Variants in FAN1 observed in about 807,000 individuals in gnomAD.
The protein encoded by FAN1 is FANCD2 and FANCI associated nuclease 1.
Under a neutral mutation model 104.9 loss-of-function variants are expected in FAN1, and 91 were observed. The observed-to-expected ratio is 0.87, with a 90% CI of 0.73 to 1.03. The LOEUF (loss-of-function observed/expected upper bound fraction) is 1.03, where lower values mean the gene tolerates loss of function less well. Among genes scored for constraint, FAN1 ranks in the 50% least tolerant of loss-of-function variants. FAN1 has a pLI of 0.00. For synonymous variants in FAN1, 478 were observed against 457.6 expected (o/e 1.04, Z -0.57); for missense variants, 1,263 against 1,239.9 (o/e 1.02, Z -0.28).
chr15:30,920,520 C>G, intron 6 of FAN1, 25 bp from the exon 7 acceptor site: 1 of 1,407,602 alleles, frequency 7.1e-7, no homozygotes, highest in Non-Finnish European at 1.0e-6. Flanking sequence ...AATTATTAAA[C>G]TACTGGTATA....
intron 4 of FAN1, chr15:30,911,397 G>A (rs919751458): frequency 1.2e-5 from 12 of 984,760 alleles, no homozygotes; most frequent in African/African-American, 5.2e-5. Context: ...TGAAATGAGA[G>A]GATGCTTTTG....
Position 30,922,284 on chromosome 15 carries a change from C to T in FAN1, c.2102C>T (p.Pro701Leu). The stretch of plus-strand genomic sequence containing the variant: ...CTTTTGTCTCAGAGAATTTATTGTC[C>T]TGACAGCAGAGGCCGATGGTGGGAT... ...ESLLSQRIYCPDSRGRWWDRL... is the reference protein window; with the variant it reads ...ESLLSQRIYCLDSRGRWWDRL... Residue 701 changes from proline (P) to leucine (L), a missense_variant, in exon 8 of 15, where the codon CCT becomes CTT. By Grantham distance (98) the Pro-to-Leu change is moderately conservative. Coordinates refer to ENST00000362065, the MANE Select transcript of FAN1 (RefSeq NM_014967.5). 2 of 1,613,976 alleles carry T rather than the reference C, an allele frequency of 1.2e-6. No homozygotes were observed. Among genetic ancestry groups the T allele is most frequent in the Non-Finnish European group, 1.7e-6 (2 of 1,179,988 alleles).
chr15:30,934,947 T>C (rs1487871376), intron 13 of FAN1, among the ~76,000 whole-genome samples: 1 of 152,238 alleles, frequency 6.6e-6, no homozygotes, highest in Non-Finnish European at 1.5e-5. Flanking sequence ...AGTCTGTATT[T>C]ACTCATGTAC....
chr15:30,910,372 T>G (rs1429314110), intron 3 of FAN1, among the ~76,000 whole-genome samples: 1 of 152,226 alleles, frequency 6.6e-6, no homozygotes, highest in African/African-American at 2.4e-5. Flanking sequence ...TGTCTTTATT[T>G]TAGTTATGTT....
At chr15:30,927,539 T>G (rs2959036) in intron 10 of FAN1, 597,861 of 985,352 alleles carry the variant, frequency 0.61, 182,912 homozygotes, top group East Asian at 0.98. Flanking sequence ...GGCTGTGGCT[T>G]CCTGCCCTCT....
At chr15:30,941,349 A>G in intron 14 of FAN1, 2 of 1,535,832 alleles carry the variant, frequency 1.3e-6, no homozygotes, top group Non-Finnish European at 8.7e-7. Context: ...ATATTAGTGC[A>G]AATTCCAACT....
rs2061963758 is a variant in FAN1, at chr15:30,905,768, A to G, written c.1105A>G (p.Thr369Ala). The G allele has an allele frequency of 6.2e-7, 1 of 1,614,108 alleles. No individual in the cohort carries two copies. The highest frequency in any genetic ancestry group is 1.1e-5 in the South Asian group (1 of 91,086). Residue 369 changes from threonine to alanine, a missense_variant, in exon 2 of 15, where the codon ACA becomes GCA. By Grantham distance (58) the Thr-to-Ala change is moderately conservative (BLOSUM62 0). This residue lies in a region of FAN1 where 682 missense variants were observed against 571.1 expected (regional missense o/e 1.19). Coordinates refer to ENST00000362065, the MANE Select transcript of FAN1 (RefSeq NM_014967.5). ...QGSSCNGPGQTTGHPYYLRSF... is the reference protein window; with the variant it reads ...QGSSCNGPGQATGHPYYLRSF... ...GTCAAGCTGCAATGGTCCTGGTCAA[A>G]CAACCGGTCATCCTTACTACCTTCG...
chr15:30,941,958 G>C lies in FAN1; in HGVS notation c.*396G>C. ...TTCTGGCTGTCGGTTTGCTGAGCTG[G>C]ATCTGGCTTTGGTTTTAATATCAAT... On this transcript the variant is annotated 3_prime_UTR_variant, in exon 15 of 15. Transcript: ENST00000362065. The C allele has an allele frequency of 6.2e-7, 1 of 1,614,014 alleles. No individual in the cohort carries two copies. Among genetic ancestry groups the C allele is most frequent in the Non-Finnish European group, 8.5e-7 (1 of 1,179,892 alleles).
chr15:30,925,213 G>C lies in FAN1; in HGVS notation c.2259G>C (p.Leu753=). ...RLSLYQRAVR[L]RESPSCKKFK... ...CACTGTATCAGCGAGCCGTGCGCCT[G>C]CGAGAGTCTCCGAGCTGTAAAAAGT... Residue 753 remains leucine (L), a synonymous_variant, in exon 9 of 15, where the codon CTG becomes CTC. Transcript: ENST00000362065. 2 of 1,614,084 alleles carry C rather than the reference G, an allele frequency of 1.2e-6. No individual in the cohort carries two copies. Among genetic ancestry groups the C allele is most frequent in the Non-Finnish European group, 1.7e-6 (2 of 1,180,034 alleles).
At chr15:30,919,413 G>T (rs1350483174) in intron 6 of FAN1, among the ~76,000 whole-genome samples, 1 of 149,322 alleles carries the variant, frequency 6.7e-6, no homozygotes, top group Non-Finnish European at 1.5e-5. Context: ...ATAAGGGGCT[G>T]GGCGTGGTGG....
chr15:30,910,822 T>C lies in FAN1; in HGVS notation c.1577+7T>C. On this transcript the variant is annotated splice_region_variant and intron_variant, in intron 4 of 14. Transcript: ENST00000362065. The stretch of plus-strand genomic sequence containing the variant: ...GTGCAGTGATTTTAAAAAGGTTTTG[T>C]TGGCTATTGTTACAGTAAAAACATT... 2.5e-6 allele frequency: 4 copies of C among 1,612,640 alleles called. No homozygotes were observed. Among genetic ancestry groups the C allele is most frequent in the East Asian group, 2.2e-5 (1 of 44,852 alleles).
intron 14 of FAN1, chr15:30,940,661 C>A: frequency 1.0e-6 from 1 of 986,622 alleles, no homozygotes; most frequent in African/African-American, 1.7e-5. Context: ...CCCCAGAGGC[C>A]ACTCCCCAGT....
chr15:30,941,210 A>G, intron 14 of FAN1: 1 of 1,378,064 alleles, frequency 7.3e-7, no homozygotes, highest in Non-Finnish European at 9.5e-7. Flanking sequence ...ACAAAAATGT[A>G]GCAGACAACA....
rs929257914 is a variant in FAN1, at chr15:30,940,577, G to GTTTGT, written c.*4-985_*4-981dup. 1.1e-4 allele frequency: 108 copies of GTTTGT among 985,444 alleles called. No homozygotes were observed. In the African/African-American group the frequency reaches 1.8e-3, roughly 16 times the overall value. 61.0% of individuals were successfully genotyped at this position (985,444 alleles called of 1,614,324 possible). A position where few individuals can be genotyped will look rare whatever the true frequency, so the allele number is the denominator to read the frequency against. On this transcript the variant is annotated intron_variant, in intron 14 of 14. Transcript: ENST00000362065. ...CCCAGCACGCCTCCCAGCAAGCCTTGTTTGTTTTTGAGGGCGAGTTTTGGC... is the reference window on the plus strand; with the variant it reads ...CCCAGCACGCCTCCCAGCAAGCCTTGTTTGTTTTGTTTTTGAGGGCGAGTTTTGGC...
At chr15:30,906,276 T>G (rs2061976741) in intron 2 of FAN1, 1 of 455,690 alleles carries the variant, frequency 2.2e-6, no homozygotes, top group East Asian at 6.6e-5. Context: ...TAGGTTGTTT[T>G]GTTGTTCCTC....
chr15:30,940,358 G>A lies in FAN1; in HGVS notation c.*4-1208G>A, dbSNP rs368833216. ...ACTTTGCTGTCCAAAGTTGGGGGCT[G>A]GGGGAGCACTTCTGTCGCTATTCAA... On this transcript the variant is annotated intron_variant, in intron 14 of 14. Coordinates refer to ENST00000362065, the MANE Select transcript of FAN1 (RefSeq NM_014967.5). 5 of 985,420 alleles carry A rather than the reference G, an allele frequency of 5.1e-6. No individual in the cohort carries two copies. In the African/African-American group the frequency reaches 8.7e-5, roughly 17 times the overall value. The allele number at this position is 985,420 out of a possible 1,614,324, so 61.0% of individuals were successfully genotyped here. A position where few individuals can be genotyped will look rare whatever the true frequency, so the allele number is the denominator to read the frequency against.
Position 30,914,052 on chromosome 15 carries a change from G to A in FAN1, c.1772G>A (p.Arg591Gln), listed in dbSNP as rs768146914. The stretch of plus-strand genomic sequence containing the variant: ...GAGTTTCCTAGTTACACCATCAATC[G>A]GAAAACCCACATCTTCCAAGACAGA... ...RMEFPSYTIN[R>Q]KTHIFQDRDD... Residue 591 changes from arginine to glutamine, a missense_variant, in exon 5 of 15, where the codon CGG becomes CAG. Around this residue, in one of 2 missense-constraint regions of FAN1, gnomAD observed 581 missense variants for 668.8 expected, o/e 0.87. Transcript: ENST00000362065. The A allele has an allele frequency of 2.2e-5, 35 of 1,613,952 alleles. No individual in the cohort carries two copies. Among genetic ancestry groups the A allele is most frequent in the Admixed American group, 3.3e-5 (2 of 59,994 alleles).
chr15:30,905,208 A>G lies in FAN1; in HGVS notation c.545A>G (p.Gln182Arg), dbSNP rs754291086. 1.2e-6 allele frequency: 2 copies of G among 1,613,872 alleles called. No individual in the cohort carries two copies. Among genetic ancestry groups the G allele is most frequent in the Non-Finnish European group, 1.7e-6 (2 of 1,179,956 alleles). ...GAAGAATTTGCCGGTTCTAGTCCAC[A>G]GAGTTCCAAATCCACAGTTGTTAAG... Reference protein sequence around the residue: ...KDEEFAGSSPQSSKSTVVKSL... With the variant: ...KDEEFAGSSPRSSKSTVVKSL... The change falls in exon 2 of 15, where the codon CAG becomes CGG. Residue 182 changes from glutamine to arginine, a missense_variant. Physicochemically the swap from Gln to Arg is conservative, Grantham distance 43. This residue lies in a region of FAN1 where 682 missense variants were observed against 571.1 expected (regional missense o/e 1.19). Transcript: ENST00000362065.
chr15:30,918,611 A>T (rs1481656371), intron 6 of FAN1, among the ~76,000 whole-genome samples: 1 of 152,150 alleles, frequency 6.6e-6, no homozygotes, highest in East Asian at 1.9e-4. Context: ...CTGAAACGTG[A>T]GGGAAGCCAG....
Sources: allele counts gnomAD v4.1 joint callset (sites outside exome capture counted in the v4.1 genomes callset), GRCh38; gene constraint gnomAD v4.1.1; regional missense constraint gnomAD v4.1.1; transcripts MANE v1.5; gene names NCBI Gene and HGNC (gene_info 2026-07-23, HGNC 2026-07-21).